The following MAPK8 variants were observed in gnomAD, a reference collection of about 807,000 sequenced individuals.
MAPK8 encodes the protein JUN N-terminal kinase.
A neutral mutation model predicts 52.9 loss-of-function variants in MAPK8; 13 were observed. The ratio of observed to expected loss-of-function variants is 0.25; its 90% confidence interval spans 0.16 to 0.39. MAPK8 has a LOEUF of 0.39. MAPK8 is among the 10% of genes least tolerant of loss of function. The pLI, the probability that MAPK8 is intolerant of heterozygous loss-of-function variation, is 1.00. For synonymous variants in MAPK8, 191 were observed against 169.8 expected (o/e 1.12, Z -0.97); for missense variants, 300 against 519.2 (o/e 0.58, Z 4.10).
chr10:48,386,836 A>G (rs984516271), intron 1 of MAPK8, among the ~76,000 whole-genome samples: 1 of 152,186 alleles, frequency 6.6e-6, no homozygotes, highest in Admixed American at 6.5e-5. Flanking sequence ...AGAAACATGT[A>G]CTTACTTTAC....
In MAPK8 at chr10:48,437,953, C is replaced by G. The variant is rs142367490; in HGVS notation, c.*2924C>G. 1 of 152,360 alleles carries G rather than the reference C, an allele frequency of 6.6e-6. No individual in the cohort carries two copies. The highest frequency in any genetic ancestry group is 2.4e-5 in the African/African-American group (1 of 41,592). 9.4% of individuals were successfully genotyped at this position (152,360 alleles called of 1,614,324 possible). A position where few individuals can be genotyped will look rare whatever the true frequency, so the allele number is the denominator to read the frequency against. ...GGACATCAGTGTCTGATAGTGAAATCATCAGCAGGAAAGTGAAGCTCTTTC... is the reference window on the plus strand; with the variant it reads ...GGACATCAGTGTCTGATAGTGAAATGATCAGCAGGAAAGTGAAGCTCTTTC... On this transcript the variant is annotated 3_prime_UTR_variant, in exon 12 of 12. Coordinates refer to ENST00000374189, the MANE Select transcript of MAPK8 (RefSeq NM_001323329.2).
chr10:48,316,281 C>T (rs867675803), intron 1 of MAPK8, among the ~76,000 whole-genome samples: 4 of 152,122 alleles, frequency 2.6e-5, no homozygotes, highest in Middle Eastern at 3.2e-3. Context: ...CAGTTGCCTG[C>T]AGTATTCAGT....
intron 1 of MAPK8, among the ~76,000 whole-genome samples, chr10:48,315,769 T>A (rs548777562): frequency 6.6e-6 from 1 of 151,738 alleles, no homozygotes; most frequent in African/African-American, 2.4e-5. Context: ...TTGAATTTTT[T>A]ATTTTTCTTA....
chr10:48,346,147 C>T lies in MAPK8; in HGVS notation c.-50+39326C>T, dbSNP rs368652501. On this transcript the variant is annotated intron_variant, in intron 1 of 11. Coordinates refer to ENST00000374189, the MANE Select transcript of MAPK8 (RefSeq NM_001323329.2). ...TGTGGGCGGCAAGCCACCCAGGCAC[C>T]GAGGCAAGAGACAGGGGACACGAGC... 8.6e-5 allele frequency among the ~76,000 whole-genome samples: 13 copies of T among 152,014 alleles called. No homozygotes were observed. In the South Asian group the frequency reaches 2.1e-3, roughly 24 times the overall value.
chr10:48,379,713 A>G (rs1436464078), intron 1 of MAPK8, among the ~76,000 whole-genome samples: 1 of 152,170 alleles, frequency 6.6e-6, no homozygotes, highest in Non-Finnish European at 1.5e-5. Context: ...AGTCCCATGT[A>G]ATTAATTCCT....
intron 1 of MAPK8, among the ~76,000 whole-genome samples, chr10:48,397,507 T>G (rs966180170): frequency 6.6e-6 from 1 of 152,196 alleles, no homozygotes; most frequent in Non-Finnish European, 1.5e-5. Context: ...GATTAGTAGT[T>G]GCCGCAGGTA....
chr10:48,430,937 A>C, intron 10 of MAPK8: 1 of 489,574 alleles, frequency 2.0e-6, no homozygotes, highest in Non-Finnish European at 3.6e-6. Flanking sequence ...CTACCCCAGC[A>C]CTATCAAACC....
At chr10:48,367,596 G>A (rs1848168953) in intron 1 of MAPK8, among the ~76,000 whole-genome samples, 1 of 151,998 alleles carries the variant, frequency 6.6e-6, no homozygotes, top group South Asian at 2.1e-4. Context: ...AAGTATTTGT[G>A]AATATTAATA....
intron 1 of MAPK8, among the ~76,000 whole-genome samples, chr10:48,340,964 CA>C (rs938700945): frequency 3.9e-5 from 6 of 152,200 alleles, no homozygotes; most frequent in African/African-American, 1.2e-4. Context: ...GCCAGAATGG[CA>C]GGACAGTTAT....
rs2043440052 is a variant in MAPK8 at position 48,422,746 on chromosome 10, T to C, written c.617-1342T>C. On this transcript the variant is annotated intron_variant, in intron 6 of 11. Transcript: ENST00000374189. ...TTTCTAAAATCTTATCCTTGAAAGC[T>C]GAACCATGACATAAATATGAAAATA... 2.6e-5 allele frequency among the ~76,000 whole-genome samples: 4 copies of C among 152,064 alleles called. No homozygotes were observed. The South Asian group carries it at 8.3e-4, about 31-fold the overall frequency.
intron 1 of MAPK8, among the ~76,000 whole-genome samples, chr10:48,334,656 C>T (rs1271137259): frequency 1.3e-5 from 2 of 152,140 alleles, no homozygotes; most frequent in East Asian, 1.9e-4. Flanking sequence ...GGGTGAGATT[C>T]ATCTCCCTTT....
chr10:48,412,522 C>T (rs11101316), intron 5 of MAPK8, among the ~76,000 whole-genome samples: 7,070 of 152,062 alleles, frequency 0.046, 549 homozygotes, highest in African/African-American at 0.16. Flanking sequence ...TTTGGAACTC[C>T]CATTATGCAA....
intron 1 of MAPK8, among the ~76,000 whole-genome samples, chr10:48,347,241 TAA>T (rs1211715392): frequency 6.6e-6 from 1 of 152,090 alleles, no homozygotes; most frequent in East Asian, 1.9e-4. Flanking sequence ...AATGGAATAT[TAA>T]AAGTAGATCC....
At chr10:48,356,022 C>A (rs1447611730) in intron 1 of MAPK8, among the ~76,000 whole-genome samples, 2 of 152,040 alleles carry the variant, frequency 1.3e-5, no homozygotes, top group African/African-American at 4.8e-5. Context: ...TGAGCATTTG[C>A]AATTAGGAAG....
intron 8 of MAPK8, 66 bp from the exon 9 acceptor site, chr10:48,426,314 C>T: frequency 7.1e-7 from 1 of 1,400,498 alleles, no homozygotes; most frequent in Non-Finnish European, 9.6e-7. Context: ...TCTCAAATTG[C>T]TGAAAGTTAT....
intron 1 of MAPK8, among the ~76,000 whole-genome samples, chr10:48,354,743 G>A (rs1846687936): frequency 6.6e-6 from 1 of 151,942 alleles, no homozygotes; most frequent in Admixed American, 6.6e-5. Flanking sequence ...TAAGCAACCA[G>A]CTGACCCTTG....
intron 1 of MAPK8, among the ~76,000 whole-genome samples, chr10:48,333,816 A>G (rs1183308703): frequency 6.7e-6 from 1 of 148,740 alleles, no homozygotes; most frequent in South Asian, 2.2e-4. Context: ...GGCCAGAGGA[A>G]ATCCTAAGGC....
Position 48,427,645 on chromosome 10 carries a change from T to C in MAPK8, c.1060+502T>C, listed in dbSNP as rs1202213243. 5.3e-5 allele frequency among the ~76,000 whole-genome samples: 8 copies of C among 152,070 alleles called. No homozygotes were observed. The South Asian group carries it at 1.5e-3, about 28-fold the overall frequency. ...TAGCTGGGACTACAGGCGCCTGCCATCACACCCGGCTAATTTTTTTGTATT... is the reference window on the plus strand; with the variant it reads ...TAGCTGGGACTACAGGCGCCTGCCACCACACCCGGCTAATTTTTTTGTATT... On this transcript the variant is annotated intron_variant, in intron 10 of 11. Coordinates refer to ENST00000374189, the MANE Select transcript of MAPK8 (RefSeq NM_001323329.2).
intron 1 of MAPK8, among the ~76,000 whole-genome samples, chr10:48,342,177 G>T (rs559370415): frequency 2.0e-5 from 3 of 152,298 alleles, no homozygotes; most frequent in African/African-American, 7.2e-5. Context: ...TGTCACGGCT[G>T]ATCACAGCCT....
Sources: allele counts gnomAD v4.1 joint callset (sites outside exome capture counted in the v4.1 genomes callset), GRCh38; gene constraint gnomAD v4.1.1; transcripts MANE v1.5; gene names NCBI Gene and HGNC (gene_info 2026-07-23, HGNC 2026-07-21).